The following ALG9 variants were observed in gnomAD, a reference collection of about 807,000 sequenced individuals.
ALG9 encodes the protein ALG9 alpha-1,2-mannosyltransferase.
ALG9 carries 55 observed loss-of-function variants against 81.8 expected under a neutral mutation model. That is an observed-to-expected ratio of 0.67 (90% CI 0.54 to 0.84). The LOEUF (loss-of-function observed/expected upper bound fraction) is 0.84. Ranked by LOEUF, ALG9 falls within the 40% of genes least tolerant of loss-of-function variation. The pLI, the probability that ALG9 is intolerant of heterozygous loss-of-function variation, is 0.00. For missense variants in ALG9, 629 were observed against 745.0 expected, an observed-to-expected ratio of 0.84 and a Z score of 1.81; for synonymous variants, 278 against 274.3, an observed-to-expected ratio of 1.01 and a Z score of -0.13.
In ALG9 at chr11:111,786,267, G is replaced by A; in HGVS notation, c.*130C>T. 1 of 1,407,992 alleles carries A rather than the reference G, an allele frequency of 7.1e-7. No homozygotes were observed. The highest frequency in any genetic ancestry group is 1.2e-5 in the South Asian group (1 of 86,246). The allele number at this position is 1,407,992 out of a possible 1,614,324, so 87.2% of individuals were successfully genotyped here. ...TGAAATAGACTTTGACTAGCCCAGA[G>A]CACCCAGATTCCAGTATTCATGTCA... On this transcript the variant is annotated 3_prime_UTR_variant, in exon 15 of 15. Coordinates refer to ENST00000616540, the MANE Select transcript of ALG9 (RefSeq NM_024740.2).
chr11:111,783,209 C>T lies in ALG9; in HGVS notation c.*3188G>A, dbSNP rs1283984573. The T allele has an allele frequency of 6.6e-6, 1 of 152,254 alleles. No individual in the cohort carries two copies. Among genetic ancestry groups the T allele is most frequent in the Non-Finnish European group, 1.5e-5 (1 of 68,116 alleles). The allele number at this position is 152,254 out of a possible 1,614,324, so 9.4% of individuals were successfully genotyped here. A position where few individuals can be genotyped will look rare whatever the true frequency, so the allele number is the denominator to read the frequency against. On this transcript the variant is annotated 3_prime_UTR_variant, in exon 15 of 15. Coordinates refer to ENST00000616540, the MANE Select transcript of ALG9 (RefSeq NM_024740.2). The stretch of plus-strand genomic sequence containing the variant: ...CGGTGGCTCATGCCTGTAATCCTAG[C>T]ACTTTAGGAGGCCGAGGCGGGATGA...
chr11:111,866,394 G>A (rs569642573), intron 3 of ALG9, among the ~76,000 whole-genome samples: 10 of 152,170 alleles, frequency 6.6e-5, no homozygotes, highest in Non-Finnish European at 1.3e-4. Flanking sequence ...ATAATACAAA[G>A]GTGCTTTCAT....
Position 111,811,878 on chromosome 11 carries a change from T to TG in ALG9, c.1603-2106dup, listed in dbSNP as rs879981483. On this transcript the variant is annotated intron_variant, in intron 13 of 14. Coordinates refer to ENST00000616540, the MANE Select transcript of ALG9 (RefSeq NM_024740.2). ...GATATTTAATGGGTATGGGTTTTTTTGGGGGGGAGGCATAATAAAAATCTT... is the reference window on the plus strand; with the variant it reads ...GATATTTAATGGGTATGGGTTTTTTTGGGGGGGGAGGCATAATAAAAATCTT... Among the ~76,000 whole-genome samples, 511 of 152,092 alleles carry TG rather than the reference T, an allele frequency of 3.4e-3. 1 individual carries two copies. In the Middle Eastern group the frequency reaches 0.044, roughly 13 times the overall value.
intron 8 of ALG9, chr11:111,845,342 C>G (rs1956797806): frequency 6.5e-6 from 1 of 154,394 alleles, no homozygotes; most frequent in Non-Finnish European, 1.4e-5. Context: ...TTGAGCTATT[C>G]AGGCATCTCC....
chr11:111,804,242 T>G (rs546884185), intron 14 of ALG9, among the ~76,000 whole-genome samples: 160 of 152,232 alleles, frequency 1.1e-3, no homozygotes, highest in South Asian at 2.5e-3. Flanking sequence ...AATGACTTTT[T>G]AGATACAACA....
chr11:111,787,298 T>G (rs1946625150), intron 14 of ALG9, among the ~76,000 whole-genome samples: 1 of 151,768 alleles, frequency 6.6e-6, no homozygotes, highest in African/African-American at 2.4e-5. Context: ...CCAGGCATGG[T>G]GGTGCATGCC....
chr11:111,821,079 G>A (rs1555103151), intron 13 of ALG9, among the ~76,000 whole-genome samples: 1 of 152,160 alleles, frequency 6.6e-6, no homozygotes, highest in East Asian at 1.9e-4. Flanking sequence ...CTGGGCAAGA[G>A]TGCGAGACCT....
At chr11:111,859,200 C>A (rs1959174294) in intron 5 of ALG9, among the ~76,000 whole-genome samples, 1 of 152,070 alleles carries the variant, frequency 6.6e-6, no homozygotes, top group Non-Finnish European at 1.5e-5. Flanking sequence ...AAGAGCAAGA[C>A]CTTGCACTTG....
rs1263033492 is a variant in ALG9, at chr11:111,783,741, A to G, written c.*2656T>C. 6.6e-6 allele frequency: 1 copy of G among 152,204 alleles called. No homozygotes were observed. Among genetic ancestry groups the G allele is most frequent in the African/African-American group, 2.4e-5 (1 of 41,452 alleles). The allele number at this position is 152,204 out of a possible 1,614,324, so 9.4% of individuals were successfully genotyped here. ...CACAACAAAAAACATTCATTTCTAT[A>G]TTCCTTACCTATAACATTTGGCACA... On this transcript the variant is annotated 3_prime_UTR_variant, in exon 15 of 15. Coordinates refer to ENST00000616540, the MANE Select transcript of ALG9 (RefSeq NM_024740.2).
intron 8 of ALG9, among the ~76,000 whole-genome samples, chr11:111,846,460 A>G (rs1956963032): frequency 6.6e-6 from 1 of 152,244 alleles, no homozygotes; most frequent in Admixed American, 6.5e-5. Context: ...CTCTAACACA[A>G]TTTACTATAC....
At chr11:111,844,240 G>A (rs1161201088) in intron 9 of ALG9, among the ~76,000 whole-genome samples, 1 of 152,114 alleles carries the variant, frequency 6.6e-6, no homozygotes, top group African/African-American at 2.4e-5. Context: ...CTGACCTCAG[G>A]TGATCCACCC....
Position 111,837,466 on chromosome 11 carries a change from A to G in ALG9, c.1472+2T>C. On this transcript the variant is annotated splice_donor_variant, in intron 12 of 14. Transcript: ENST00000616540. LOFTEE classifies it high-confidence loss of function. ...AACCCTAGGAATTAAAGGACAACTT[A>G]CTTGTCAGGAAGAAGGAAGCTGCTG... 1.2e-6 allele frequency: 2 copies of G among 1,614,046 alleles called. No individual in the cohort carries two copies. Among genetic ancestry groups the G allele is most frequent in the Non-Finnish European group, 1.7e-6 (2 of 1,180,020 alleles).
At chr11:111,836,937 C>T (rs1955399006) in intron 12 of ALG9, among the ~76,000 whole-genome samples, 1 of 152,346 alleles carries the variant, frequency 6.6e-6, no homozygotes, top group South Asian at 2.1e-4. Context: ...GGACTCTTCT[C>T]TGGCCAAATG....
At chr11:111,856,079 C>A (rs1958620272) in intron 6 of ALG9, among the ~76,000 whole-genome samples, 1 of 151,964 alleles carries the variant, frequency 6.6e-6, no homozygotes, top group African/African-American at 2.4e-5. Context: ...GAGTTCGAGA[C>A]CAGCCTGGCC....
intron 13 of ALG9, among the ~76,000 whole-genome samples, chr11:111,815,647 G>A (rs1444230568): frequency 1.3e-5 from 2 of 151,956 alleles, no homozygotes; most frequent in African/African-American, 4.8e-5. Flanking sequence ...TTCAGGCCTG[G>A]GTTCTACCAC....
At chr11:111,805,637 G>A (rs1949807913) in intron 14 of ALG9, among the ~76,000 whole-genome samples, 1 of 152,204 alleles carries the variant, frequency 6.6e-6, no homozygotes, top group East Asian at 1.9e-4. Context: ...AAGATTAGTG[G>A]TTGTCCGGGA....
At chr11:111,867,607 G>T (rs1962926469) in intron 3 of ALG9, among the ~76,000 whole-genome samples, 1 of 152,142 alleles carries the variant, frequency 6.6e-6, no homozygotes, top group Admixed American at 6.5e-5. Context: ...ACATAGGAAA[G>T]AATCAGTGAA....
chr11:111,846,264 C>G (rs536191936), intron 8 of ALG9, among the ~76,000 whole-genome samples: 2 of 152,186 alleles, frequency 1.3e-5, no homozygotes, highest in Admixed American at 6.5e-5. Flanking sequence ...TTTTTCTTAA[C>G]AGGATTCTGG....
At chr11:111,774,364 G>A in the ALG9 span, among the ~76,000 whole-genome samples, 3 of 152,104 alleles carry the variant, frequency 2.0e-5, no homozygotes, top group African/African-American at 7.2e-5. Flanking sequence ...CAACAAGAGT[G>A]AAACTCCGTC....
Sources: gnomAD v4.1 joint callset for allele counts (sites outside exome capture counted in the v4.1 genomes callset) on GRCh38, gnomAD v4.1.1 for gene constraint, MANE v1.5 for transcripts, NCBI Gene and HGNC (gene_info 2026-07-23, HGNC 2026-07-21) for gene names.